The following TDRD12 variants were observed in gnomAD, a reference collection of about 807,000 sequenced individuals.
TDRD12 encodes tudor domain containing 12.
A neutral mutation model predicts 133.5 loss-of-function variants in TDRD12; 158 were observed. That is an observed-to-expected ratio of 1.18 (90% CI 1.04 to 1.35). The LOEUF is 1.35. TDRD12 is among the 40% of genes most tolerant of loss of function. The probability of loss-of-function intolerance (pLI) is 0.00; values close to 1 mark genes in which losing one functional copy is unlikely to be tolerated. For missense variants in TDRD12, 1,443 were observed against 1,321.3 expected (o/e 1.09, Z -1.43); for synonymous variants, 460 against 477.9 (o/e 0.96, Z 0.49).
chr19:32,821,635 C>CT (rs1305866384), downstream of TDRD12, among the ~76,000 whole-genome samples: 2 of 152,204 alleles, frequency 1.3e-5, no homozygotes, highest in African/African-American at 4.8e-5. Flanking sequence ...GCCTTGGCCT[C>CT]TAAGAGTGTT....
At chr19:32,747,855 A>C (rs573305907) in intron 4 of TDRD12, among the ~76,000 whole-genome samples, 2 of 152,012 alleles carry the variant, frequency 1.3e-5, no homozygotes, top group South Asian at 2.1e-4. Context: ...TTAAAAAAAA[A>C]ATTTTTTTTA....
intron 1 of TDRD12, among the ~76,000 whole-genome samples, chr19:32,727,382 A>G (rs1968894901): frequency 6.6e-6 from 1 of 152,184 alleles, no homozygotes; most frequent in Non-Finnish European, 1.5e-5. Flanking sequence ...TATGAGATAT[A>G]AGCCTTGCAA....
chr19:32,801,590 AAT>A (rs1302837583), intron 18 of TDRD12, among the ~76,000 whole-genome samples, 164 bp from the exon 19 acceptor site: 3 of 152,218 alleles, frequency 2.0e-5, no homozygotes, highest in Non-Finnish European at 2.9e-5. Context: ...GAATTTTGGA[AAT>A]ATATTTCAGT....
intron 5 of TDRD12, among the ~76,000 whole-genome samples, chr19:32,749,460 G>A (rs1478674667): frequency 6.6e-6 from 1 of 152,160 alleles, no homozygotes; most frequent in Non-Finnish European, 1.5e-5. Flanking sequence ...GTCTCTAAGG[G>A]AGTAGCCGGG....
At chr19:32,748,040 G>A (rs1229984846) in intron 4 of TDRD12, among the ~76,000 whole-genome samples, 2 of 152,096 alleles carry the variant, frequency 1.3e-5, no homozygotes, top group Non-Finnish European at 2.9e-5. Context: ...AACAAAGATA[G>A]TATCTGGCTC....
intron 23 of TDRD12, 55 bp downstream of exon 23, chr19:32,810,332 G>C: frequency 1.2e-5 from 17 of 1,387,826 alleles, no homozygotes; most frequent in Non-Finnish European, 1.6e-5. Flanking sequence ...GTAACTAAGT[G>C]GTGTTGAGTT....
intron 13 of TDRD12, among the ~76,000 whole-genome samples, chr19:32,793,906 T>G (rs1013875865): frequency 1.3e-5 from 2 of 149,252 alleles, no homozygotes; most frequent in African/African-American, 4.9e-5. Flanking sequence ...GTCATTCTCC[T>G]GCCTCAGCCT....
intron 1 of TDRD12, among the ~76,000 whole-genome samples, chr19:32,728,837 T>TGG (rs1968946876): frequency 7.0e-6 from 1 of 143,826 alleles, no homozygotes; most frequent in Non-Finnish European, 1.5e-5. Flanking sequence ...TTTGTACAGA[T>TGG]GGGGTTTCAC....
intron 11 of TDRD12, among the ~76,000 whole-genome samples, chr19:32,777,836 TATATATATATATATATA>T (rs1970635386): frequency 7.1e-5 from 1 of 14,174 alleles, no homozygotes; most frequent in African/African-American, 2.8e-4. Flanking sequence ...TATATATATA[TATATATATATATATATA>T]TATATTTTTT....
At chr19:32,820,949 A>G in intron 27 of TDRD12, 84 bp from the exon 28 acceptor site, 2 of 1,127,650 alleles carry the variant, frequency 1.8e-6, no homozygotes, top group Non-Finnish European at 2.5e-6. Flanking sequence ...CAGGCACTTC[A>G]CGGTCATTTA....
At chr19:32,722,982 C>A (rs118176820) in intron 1 of TDRD12, among the ~76,000 whole-genome samples, 2 of 151,912 alleles carry the variant, frequency 1.3e-5, no homozygotes, top group Non-Finnish European at 2.9e-5. Flanking sequence ...ACCTGGCCCC[C>A]CCATGTAACC....
At chr19:32,774,961 G>A (rs1970539078) in intron 10 of TDRD12, among the ~76,000 whole-genome samples, 1 of 151,734 alleles carries the variant, frequency 6.6e-6, no homozygotes, top group Non-Finnish European at 1.5e-5. Context: ...CTCCAGCCTG[G>A]GCAACAGAAC....
intron 9 of TDRD12, 56 bp from the exon 33 acceptor site, chr19:32,827,108 A>T: frequency 1.0e-6 from 1 of 983,228 alleles, no homozygotes; most frequent in Non-Finnish European, 1.3e-6. Context: ...AATGGGGGGA[A>T]ATAAAGATTT....
chr19:32,738,229 A>G (rs1353111362), intron 2 of TDRD12, among the ~76,000 whole-genome samples: 4 of 152,188 alleles, frequency 2.6e-5, no homozygotes, highest in Non-Finnish European at 5.9e-5. Flanking sequence ...AATCATTCCT[A>G]AGCATTATTT....
chr19:32,785,950 G>A (rs1170138167), intron 11 of TDRD12, among the ~76,000 whole-genome samples: 1 of 152,138 alleles, frequency 6.6e-6, no homozygotes, highest in African/African-American at 2.4e-5. Flanking sequence ...AATATTGTAT[G>A]TGTGAATTTG....
intron 1 of TDRD12, among the ~76,000 whole-genome samples, chr19:32,727,483 T>G (rs1204873388): frequency 2.0e-5 from 3 of 152,166 alleles, no homozygotes; most frequent in Non-Finnish European, 2.9e-5. Flanking sequence ...AAGCCCAGTT[T>G]GTCTATTTTT....
At chr19:32,722,411 G>T (rs1968713035) in intron 1 of TDRD12, among the ~76,000 whole-genome samples, 1 of 152,024 alleles carries the variant, frequency 6.6e-6, no homozygotes, top group African/African-American at 2.4e-5. Flanking sequence ...CCCTCAACCA[G>T]CTCACCCCCT....
exon 9 of TDRD12, chr19:32,772,772 T>C: frequency 1.3e-6 from 2 of 1,515,084 alleles, no homozygotes; most frequent in Non-Finnish European, 1.8e-6. Flanking sequence ...TAAAATGTAA[T>C]ATGGATTCAT....
At chr19:32,816,234 AGAC>A (rs1210509007) in intron 26 of TDRD12, among the ~76,000 whole-genome samples, 1 of 152,176 alleles carries the variant, frequency 6.6e-6, no homozygotes, top group African/African-American at 2.4e-5. Context: ...TGCGCACATC[AGAC>A]GTGATGTGTT....
Sources: allele counts gnomAD v4.1 joint callset (sites outside exome capture counted in the v4.1 genomes callset), GRCh38; gene constraint gnomAD v4.1.1; transcripts MANE v1.5; gene names NCBI Gene and HGNC (gene_info 2026-07-23, HGNC 2026-07-21).